AFG1L: variants seen among roughly 807,000 people sequenced by gnomAD.
AFG1L encodes AFG1-like ATPase.
A neutral mutation model predicts 62.2 loss-of-function variants in AFG1L; 53 were observed. The observed-to-expected ratio is 0.85, with a 90% confidence interval of 0.68 to 1.07. The LOEUF (loss-of-function observed/expected upper bound fraction) is 1.07. Among genes scored for constraint, AFG1L ranks in the 50% least tolerant of loss-of-function variants. The pLI is 0.00. For synonymous variants in AFG1L, 228 were observed against 210.3 expected, an observed-to-expected ratio of 1.08 and a Z score of -0.73; for missense variants, 555 against 590.5, an observed-to-expected ratio of 0.94 and a Z score of 0.62.
chr6:108,400,715 AAT>A (rs1269806624), intron 6 of AFG1L, among the ~76,000 whole-genome samples: 10 of 124,186 alleles, frequency 8.1e-5, no homozygotes, highest in Non-Finnish European at 1.4e-4. Flanking sequence ...ATATATATTT[AAT>A]ATATATTATA....
intron 6 of AFG1L, among the ~76,000 whole-genome samples, chr6:108,391,789 C>T (rs1430294489): frequency 1.3e-5 from 2 of 152,048 alleles, no homozygotes; most frequent in South Asian, 2.1e-4. Flanking sequence ...CAACAGAATG[C>T]GTTTCTAGAG....
At chr6:108,348,245 A>AT (rs1296128123) in intron 3 of AFG1L, among the ~76,000 whole-genome samples, 1 of 151,968 alleles carries the variant, frequency 6.6e-6, no homozygotes, top group Non-Finnish European at 1.5e-5. Context: ...TGCCCGGCTA[A>AT]TTTTTTGTAT....
intron 1 of AFG1L, chr6:108,319,893 A>T: frequency 7.1e-6 from 2 of 280,934 alleles, no homozygotes; most frequent in Admixed American, 7.6e-5. Context: ...CATTATTTGT[A>T]CTAAATATAA....
intron 8 of AFG1L, 73 bp downstream of exon 8, chr6:108,447,369 A>C (rs1057494330): frequency 1.1e-6 from 1 of 891,286 alleles, no homozygotes; most frequent in Admixed American, 2.2e-5. Context: ...TAAGCAGTTT[A>C]ATTATTGGAA....
intron 10 of AFG1L, among the ~76,000 whole-genome samples, chr6:108,488,909 A>G (rs1481346960): frequency 6.6e-6 from 1 of 152,146 alleles, no homozygotes; most frequent in Non-Finnish European, 1.5e-5. Context: ...TCAGAGAACT[A>G]CAGACTCAGA....
At chr6:108,435,216 A>G (rs1466458966) in intron 7 of AFG1L, among the ~76,000 whole-genome samples, 1 of 152,200 alleles carries the variant, frequency 6.6e-6, no homozygotes, top group Non-Finnish European at 1.5e-5. Context: ...AGAAGGGGCT[A>G]TGGGAGGCAG....
chr6:108,366,568 G>GC (rs1554189197), intron 6 of AFG1L, among the ~76,000 whole-genome samples: 1 of 145,360 alleles, frequency 6.9e-6, no homozygotes, highest in Non-Finnish European at 1.5e-5. Context: ...CTGTTTTTTT[G>GC]TTTTTTTTTT....
At chr6:108,450,480 T>C (rs1386626463) in intron 8 of AFG1L, among the ~76,000 whole-genome samples, 2 of 152,178 alleles carry the variant, frequency 1.3e-5, no homozygotes, top group African/African-American at 4.8e-5. Flanking sequence ...TTTGAGTTCA[T>C]TGTAGATTCT....
chr6:108,417,752 A>G (rs1458979111), intron 7 of AFG1L, among the ~76,000 whole-genome samples: 2 of 152,194 alleles, frequency 1.3e-5, no homozygotes, highest in Non-Finnish European at 2.9e-5. Flanking sequence ...ATCATATGAC[A>G]TAGTATCTTT....
At chr6:108,314,485 C>T (rs1227648387) in intron 1 of AFG1L, among the ~76,000 whole-genome samples, 4 of 151,684 alleles carry the variant, frequency 2.6e-5, no homozygotes, top group Non-Finnish European at 5.9e-5. Context: ...CAACCTCCAC[C>T]TCCCAGGTTC....
intron 10 of AFG1L, among the ~76,000 whole-genome samples, chr6:108,507,687 C>A (rs900270577): frequency 6.6e-6 from 1 of 152,110 alleles, no homozygotes; most frequent in African/African-American, 2.4e-5. Flanking sequence ...TTTATGTATA[C>A]TTTCTGGTTT....
At chr6:108,433,256 ATTAACT>A (rs1320819953) in intron 7 of AFG1L, among the ~76,000 whole-genome samples, 5 of 147,980 alleles carry the variant, frequency 3.4e-5, no homozygotes, top group African/African-American at 1.2e-4. Flanking sequence ...AACCACAAAC[ATTAACT>A]TTATTATTGT....
chr6:108,439,620 G>T lies in AFG1L; in HGVS notation c.808-7594G>T, dbSNP rs1771454632. ...CTCTGGGGAGTAGAAGGTGATATTA[G>T]GGGGGCTTCAGAGATTCTGGTGATA... On this transcript the variant is annotated intron_variant, in intron 7 of 12. Coordinates refer to ENST00000368977, the MANE Select transcript of AFG1L (RefSeq NM_145315.5). Among the ~76,000 whole-genome samples the T allele has an allele frequency of 2.0e-5, 3 of 152,266 alleles. No homozygotes were observed. In the South Asian group the frequency reaches 6.2e-4, roughly 32 times the overall value.
intron 8 of AFG1L, among the ~76,000 whole-genome samples, chr6:108,466,184 ACT>A (rs1772658344): frequency 6.6e-6 from 1 of 152,090 alleles, no homozygotes; most frequent in Non-Finnish European, 1.5e-5. Flanking sequence ...AGAAAATGGA[ACT>A]CTTTTTTGTA....
At chr6:108,378,345 A>T (rs1780342500) in intron 6 of AFG1L, among the ~76,000 whole-genome samples, 2 of 151,874 alleles carry the variant, frequency 1.3e-5, no homozygotes, top group South Asian at 4.2e-4. Context: ...TTTGATACAG[A>T]GTCTCACTCT....
At chr6:108,343,415 T>C (rs979188268) in intron 2 of AFG1L, among the ~76,000 whole-genome samples, 1 of 152,134 alleles carries the variant, frequency 6.6e-6, no homozygotes, top group African/African-American at 2.4e-5. Context: ...TCTTTCTTCA[T>C]TCCTTTTCCC....
chr6:108,374,423 C>T (rs1320151885), intron 6 of AFG1L, among the ~76,000 whole-genome samples: 1 of 152,130 alleles, frequency 6.6e-6, no homozygotes, highest in East Asian at 1.9e-4. Context: ...GACTGATATT[C>T]AGAATGGTGT....
intron 11 of AFG1L, among the ~76,000 whole-genome samples, chr6:108,515,567 AC>A (rs1774846464): frequency 6.6e-6 from 1 of 152,208 alleles, no homozygotes; most frequent in Non-Finnish European, 1.5e-5. Flanking sequence ...TAAAATTGAC[AC>A]CCTAACATCA....
rs1582702013 is a variant in AFG1L, at chr6:108,522,700, TTCA to T, written c.*276_*278del. On this transcript the variant is annotated 3_prime_UTR_variant, in exon 13 of 13. Transcript: ENST00000368977. The stretch of plus-strand genomic sequence containing the variant: ...TGAATGTAGGACCAGACATTTTAGC[TTCA>T]CATTAAACCACCTGAATGAACCTTG... The T allele has an allele frequency of 4.6e-6, 1 of 216,936 alleles. No individual in the cohort carries two copies. Among genetic ancestry groups the T allele is most frequent in the East Asian group, 1.0e-4 (1 of 9,908 alleles). The allele number at this position is 216,936 out of a possible 1,614,324, so 13.4% of individuals were successfully genotyped here.
Sources: allele counts gnomAD v4.1 joint callset (sites outside exome capture counted in the v4.1 genomes callset), GRCh38; gene constraint gnomAD v4.1.1; transcripts MANE v1.5; gene names NCBI Gene and HGNC (gene_info 2026-07-23, HGNC 2026-07-21).